CPNE8: variants seen among roughly 807,000 people sequenced by gnomAD.
CPNE8 encodes copine 8.
CPNE8 carries 45 observed loss-of-function variants against 81.5 expected under a neutral mutation model. The ratio of observed to expected loss-of-function variants is 0.55; its 90% CI spans 0.44 to 0.71. The LOEUF (loss-of-function observed/expected upper bound fraction) is 0.71, where lower values mean the gene tolerates loss of function less well. CPNE8 is among the 30% of genes least tolerant of loss of function. The pLI is 0.00. For synonymous variants in CPNE8, 252 were observed against 226.3 expected (o/e 1.11, Z -1.02); for missense variants, 594 against 672.1 (o/e 0.88, Z 1.28).
chr12:38,718,307 A>T (rs926535331), intron 13 of CPNE8, among the ~76,000 whole-genome samples: 9 of 152,210 alleles, frequency 5.9e-5, no homozygotes, highest in African/African-American at 2.2e-4. Flanking sequence ...AAAGGAATAT[A>T]GCTCCAAACT....
chr12:38,658,157 G>T (rs901445436), intron 19 of CPNE8, among the ~76,000 whole-genome samples: 25 of 152,018 alleles, frequency 1.6e-4, no homozygotes, highest in Non-Finnish European at 3.4e-4. Flanking sequence ...CTTGAAAAAA[G>T]GTTAGACGAA....
At chr12:38,856,930 G>A (rs1943747885) in intron 3 of CPNE8, among the ~76,000 whole-genome samples, 1 of 150,670 alleles carries the variant, frequency 6.6e-6, no homozygotes, top group African/African-American at 2.4e-5. Context: ...GACTGCATGA[G>A]GTTTCTAACT....
chr12:38,662,672 A>G (rs564598765), intron 19 of CPNE8, among the ~76,000 whole-genome samples: 2 of 152,126 alleles, frequency 1.3e-5, no homozygotes, highest in African/African-American at 2.4e-5. Context: ...ATAAGACTCC[A>G]AATAGCCAAA....
At chr12:38,654,673 A>C (rs1218267712) in intron 19 of CPNE8, among the ~76,000 whole-genome samples, 3 of 152,040 alleles carry the variant, frequency 2.0e-5, no homozygotes, top group Non-Finnish European at 1.5e-5. Flanking sequence ...TATGTTGCCA[A>C]ATGTCTTCTG....
chr12:38,785,955 C>T (rs1180811789), intron 6 of CPNE8, among the ~76,000 whole-genome samples: 1 of 151,344 alleles, frequency 6.6e-6, no homozygotes, highest in Non-Finnish European at 1.5e-5. Context: ...ATCATATCAA[C>T]AGAGAAAATC....
chr12:38,691,456 A>C (rs1490974788), intron 15 of CPNE8, among the ~76,000 whole-genome samples: 1 of 152,208 alleles, frequency 6.6e-6, no homozygotes, highest in East Asian at 1.9e-4. Flanking sequence ...CATTGAGTCA[A>C]ATACTATTTC....
intron 1 of CPNE8, among the ~76,000 whole-genome samples, chr12:38,896,031 AC>A (rs1414949465): frequency 6.6e-6 from 1 of 152,152 alleles, no homozygotes; most frequent in Non-Finnish European, 1.5e-5. Context: ...GAATTAGCCC[AC>A]ATTAACCACT....
At chr12:38,797,604 C>A (rs1051210773) in intron 6 of CPNE8, among the ~76,000 whole-genome samples, 21 of 152,112 alleles carry the variant, frequency 1.4e-4, no homozygotes, top group African/African-American at 4.8e-4. Context: ...GGGGAAAAAA[C>A]AGAGCAGAAA....
At chr12:38,827,065 C>T (rs553942653) in intron 6 of CPNE8, among the ~76,000 whole-genome samples, 1 of 149,518 alleles carries the variant, frequency 6.7e-6, no homozygotes, top group African/African-American at 2.5e-5. Context: ...CCTGTAATCC[C>T]AGCTACTCGG....
At chr12:38,674,349 A>C (rs1472732642) in intron 18 of CPNE8, among the ~76,000 whole-genome samples, 1 of 152,174 alleles carries the variant, frequency 6.6e-6, no homozygotes. Context: ...CTTCCATAGG[A>C]GTCTGAGAGA....
intron 6 of CPNE8, among the ~76,000 whole-genome samples, chr12:38,789,344 A>C (rs1377546726): frequency 1.3e-5 from 2 of 151,820 alleles, no homozygotes; most frequent in African/African-American, 4.8e-5. Context: ...AAAAACATAT[A>C]CTGGGGAAAA....
chr12:38,900,837 C>T (rs1944451758), intron 1 of CPNE8, among the ~76,000 whole-genome samples: 1 of 152,134 alleles, frequency 6.6e-6, no homozygotes, highest in African/African-American at 2.4e-5. Flanking sequence ...AGACTTACAC[C>T]AGGTCAGGAA....
intron 2 of CPNE8, 52 bp downstream of exon 2, chr12:38,874,418 AC>A: frequency 7.4e-7 from 1 of 1,350,300 alleles, no homozygotes; most frequent in East Asian, 2.3e-5. Flanking sequence ...TGAGTTTCCT[AC>A]AACTTTTGCA....
At chr12:38,893,020 T>C (rs1245842132) in intron 1 of CPNE8, among the ~76,000 whole-genome samples, 1 of 151,926 alleles carries the variant, frequency 6.6e-6, no homozygotes, top group Non-Finnish European at 1.5e-5. Flanking sequence ...AAAAAAAACC[T>C]TAGACACTTG....
rs1161973124 is a variant in CPNE8, at chr12:38,880,672, A to AT, written c.99-6162dup. On this transcript the variant is annotated intron_variant, in intron 1 of 19. Transcript: ENST00000331366. ...ACATACACACAAAATGGTTTTCAGAATTTTTTTTATGAAGACAAGGAAATC... is the reference window on the plus strand; with the variant it reads ...ACATACACACAAAATGGTTTTCAGAATTTTTTTTTATGAAGACAAGGAAATC... 1.2e-4 allele frequency among the ~76,000 whole-genome samples: 18 copies of AT among 152,132 alleles called. No homozygotes were observed. In the South Asian group the frequency reaches 2.3e-3, roughly 19 times the overall value.
chr12:38,732,429 C>T (rs1940852350), intron 10 of CPNE8, among the ~76,000 whole-genome samples: 3 of 151,888 alleles, frequency 2.0e-5, no homozygotes, highest in Admixed American at 2.0e-4. Flanking sequence ...TGAAGCAGTT[C>T]TTTGATATTT....
chr12:38,766,074 G>T (rs547755972), intron 8 of CPNE8, among the ~76,000 whole-genome samples: 70 of 152,146 alleles, frequency 4.6e-4, no homozygotes, highest in African/African-American at 1.7e-3. Flanking sequence ...TGACCAGGAT[G>T]GTCTCGATCT....
chr12:38,666,245 C>A (rs1439319278), intron 19 of CPNE8, among the ~76,000 whole-genome samples: 1 of 152,032 alleles, frequency 6.6e-6, no homozygotes, highest in Admixed American at 6.6e-5. Context: ...TAATAATTTT[C>A]TTTATAATTT....
chr12:38,661,007 G>A (rs1938939694), intron 19 of CPNE8, among the ~76,000 whole-genome samples: 2 of 152,310 alleles, frequency 1.3e-5, no homozygotes, highest in Non-Finnish European at 1.5e-5. Flanking sequence ...TACACTGTTG[G>A]TGGGAGTGTA....
Sources: allele counts gnomAD v4.1 joint callset (sites outside exome capture counted in the v4.1 genomes callset), GRCh38; gene constraint gnomAD v4.1.1; transcripts MANE v1.5; gene names NCBI Gene and HGNC (gene_info 2026-07-23, HGNC 2026-07-21).